ERBB4: variants seen among roughly 807,000 people sequenced by gnomAD.
ERBB4 encodes receptor tyrosine-protein kinase erbB-4.
ERBB4 carries 42 observed loss-of-function variants against 158.0 expected under a neutral mutation model. That is an observed-to-expected ratio of 0.27 (90% CI 0.21 to 0.34). The LOEUF is 0.34. Among genes scored for constraint, ERBB4 ranks in the 10% least tolerant of loss-of-function variants. The probability of loss-of-function intolerance (pLI) is 1.00; values close to 1 mark genes in which losing one functional copy is unlikely to be tolerated. For synonymous variants in ERBB4, 583 were observed against 558.7 expected, an observed-to-expected ratio of 1.04 and a Z score of -0.61; for missense variants, 1,333 against 1,624.1, an observed-to-expected ratio of 0.82 and a Z score of 3.08.
intron 1 of ERBB4, among the ~76,000 whole-genome samples, chr2:212,222,483 C>T (rs11884092): frequency 0.013 from 1,910 of 151,596 alleles, 32 homozygotes; most frequent in African/African-American, 0.043. Context: ...TTATCAATGA[C>T]TTTTTTACTG....
chr2:212,324,013 T>C (rs1354092416), intron 1 of ERBB4, among the ~76,000 whole-genome samples: 1 of 150,312 alleles, frequency 6.7e-6, no homozygotes, highest in East Asian at 2.0e-4. Flanking sequence ...ATCCACCAAC[T>C]CATACGAATT....
intron 1 of ERBB4, among the ~76,000 whole-genome samples, chr2:212,358,371 A>G (rs1279804989): frequency 6.6e-6 from 1 of 151,760 alleles, no homozygotes; most frequent in East Asian, 1.9e-4. Context: ...TTTTTTAAAA[A>G]AAAAACAGTA....
chr2:211,614,258 G>C (rs938288364), intron 19 of ERBB4, among the ~76,000 whole-genome samples: 11 of 151,992 alleles, frequency 7.2e-5, no homozygotes, highest in African/African-American at 2.7e-4. Flanking sequence ...TAGAAGGATG[G>C]TTACCAGAGG....
intron 1 of ERBB4, among the ~76,000 whole-genome samples, chr2:212,261,832 G>A (rs1438325117): frequency 2.0e-5 from 3 of 151,984 alleles, no homozygotes; most frequent in South Asian, 4.1e-4. Context: ...TATTATAAAA[G>A]AAAAGTTAAA....
At chr2:211,668,583 A>C (rs2071714860) in intron 14 of ERBB4, among the ~76,000 whole-genome samples, 1 of 152,126 alleles carries the variant, frequency 6.6e-6, no homozygotes, top group East Asian at 1.9e-4. Flanking sequence ...ATCCTTATAG[A>C]AGCATGACTT....
At chr2:211,695,900 A>G (rs2073000796) in intron 12 of ERBB4, among the ~76,000 whole-genome samples, 1 of 152,124 alleles carries the variant, frequency 6.6e-6, no homozygotes, top group Non-Finnish European at 1.5e-5. Flanking sequence ...TTTAGTAGTA[A>G]CAATATCTAA....
At chr2:212,011,022 G>T (rs569630246) in intron 2 of ERBB4, among the ~76,000 whole-genome samples, 7 of 152,164 alleles carry the variant, frequency 4.6e-5, no homozygotes, top group African/African-American at 1.7e-4. Context: ...CCTAAAAATT[G>T]CTGTTATTCT....
At chr2:212,426,067 T>C (rs1415170055) in intron 1 of ERBB4, among the ~76,000 whole-genome samples, 1 of 152,034 alleles carries the variant, frequency 6.6e-6, no homozygotes, top group African/African-American at 2.4e-5. Context: ...TTTATCTCCT[T>C]TCACATTTTA....
chr2:212,110,702 C>A (rs1159071399), intron 2 of ERBB4, among the ~76,000 whole-genome samples: 2 of 152,222 alleles, frequency 1.3e-5, no homozygotes, highest in Non-Finnish European at 2.9e-5. Context: ...AAAAGCTCTT[C>A]ATCTTAATTC....
chr2:212,383,485 C>CT (rs890102274), intron 1 of ERBB4, among the ~76,000 whole-genome samples: 1 of 151,570 alleles, frequency 6.6e-6, no homozygotes, highest in African/African-American at 2.4e-5. Flanking sequence ...TTAGTACAGT[C>CT]TATTGACTAG....
chr2:212,261,243 A>G (rs1291266485), intron 1 of ERBB4, among the ~76,000 whole-genome samples: 1 of 152,220 alleles, frequency 6.6e-6, no homozygotes, highest in Non-Finnish European at 1.5e-5. Flanking sequence ...CACAAAGGAT[A>G]TATTTGATTA....
At chr2:212,145,703 C>T (rs1053790365) in intron 1 of ERBB4, among the ~76,000 whole-genome samples, 1 of 132,144 alleles carries the variant, frequency 7.6e-6, no homozygotes, top group Non-Finnish European at 1.5e-5. Flanking sequence ...CCACTCAACA[C>T]GGAGTGAAGC....
intron 1 of ERBB4, among the ~76,000 whole-genome samples, chr2:212,390,212 A>C (rs1245410863): frequency 6.6e-6 from 1 of 151,736 alleles, no homozygotes; most frequent in African/African-American, 2.4e-5. Flanking sequence ...CCACAAAAGA[A>C]ATTTTCACTG....
intron 12 of ERBB4, among the ~76,000 whole-genome samples, 163 bp downstream of exon 12, chr2:211,701,804 T>G (rs1156943547): frequency 6.6e-6 from 1 of 151,546 alleles, no homozygotes; most frequent in Non-Finnish European, 1.5e-5. Context: ...TTATTCTGAT[T>G]ATTTTATACC....
intron 1 of ERBB4, among the ~76,000 whole-genome samples, chr2:212,397,686 C>G (rs564856533): frequency 1.3e-5 from 2 of 152,136 alleles, no homozygotes; most frequent in Admixed American, 1.3e-4. Context: ...AGTGTTAATT[C>G]TATGTGGATA....
intron 20 of ERBB4, among the ~76,000 whole-genome samples, chr2:211,555,950 G>C (rs1254457686): frequency 1.3e-5 from 2 of 152,140 alleles, no homozygotes; most frequent in African/African-American, 4.8e-5. Flanking sequence ...ACGATGACAG[G>C]ATCAAATCCA....
chr2:212,263,862 GA>G (rs2085034081), intron 1 of ERBB4, among the ~76,000 whole-genome samples: 2 of 151,420 alleles, frequency 1.3e-5, no homozygotes, highest in Admixed American at 1.3e-4. Flanking sequence ...TGGATTGCAA[GA>G]TTCTAATAAT....
intron 1 of ERBB4, among the ~76,000 whole-genome samples, chr2:212,501,628 C>G (rs906548139): frequency 6.6e-6 from 1 of 152,072 alleles, no homozygotes; most frequent in African/African-American, 2.4e-5. Context: ...AAAATCATAC[C>G]TGTCTTGAAA....
chr2:211,836,003 T>C (rs1367500664), intron 3 of ERBB4, among the ~76,000 whole-genome samples: 1 of 152,080 alleles, frequency 6.6e-6, no homozygotes, highest in African/African-American at 2.4e-5. Flanking sequence ...CAGTATTGCC[T>C]ATGTTTATTG....
Sources: allele counts gnomAD v4.1 joint callset (sites outside exome capture counted in the v4.1 genomes callset), GRCh38; gene constraint gnomAD v4.1.1; transcripts MANE v1.5; gene names NCBI Gene and HGNC (gene_info 2026-07-23, HGNC 2026-07-21).